CHD6: variants seen among roughly 807,000 people sequenced by gnomAD.
The protein encoded by CHD6 is chromodomain helicase DNA binding protein 6.
In CHD6, 50 loss-of-function variants were observed where a neutral mutation model predicts 276.9. The observed-to-expected ratio is 0.18, with a 90% CI of 0.14 to 0.23. CHD6 has a LOEUF of 0.23. Among genes scored for constraint, CHD6 ranks in the 10% least tolerant of loss-of-function variants. CHD6 has a pLI of 1.00. For missense variants in CHD6, 2,564 were observed against 3,365.8 expected (o/e 0.76, Z 5.89); for synonymous variants, 1,173 against 1,229.3 (o/e 0.95, Z 0.96).
intron 17 of CHD6, among the ~76,000 whole-genome samples, chr20:41,471,026 C>T (rs771846491): frequency 1.3e-5 from 2 of 152,310 alleles, no homozygotes; most frequent in Middle Eastern, 3.4e-3. Flanking sequence ...ACAAAGAAGC[C>T]GAGAACTTTG....
chr20:41,439,979 C>T (rs1419523219), intron 26 of CHD6, 21 bp downstream of exon 26: 4 of 1,612,592 alleles, frequency 2.5e-6, no homozygotes, highest in Non-Finnish European at 2.5e-6. Context: ...CACATGAGGG[C>T]TGGCCTACGT....
At chr20:41,565,680 A>G (rs907067566) in intron 1 of CHD6, among the ~76,000 whole-genome samples, 2 of 152,220 alleles carry the variant, frequency 1.3e-5, no homozygotes, top group South Asian at 2.1e-4. Flanking sequence ...CTGGATTCCA[A>G]TTCGGCTCTC....
At chr20:41,519,914 A>T (rs572731593) in intron 3 of CHD6, among the ~76,000 whole-genome samples, 4 of 152,362 alleles carry the variant, frequency 2.6e-5, no homozygotes, top group African/African-American at 7.2e-5. Flanking sequence ...AAATTCTTGC[A>T]ATCTACTCAT....
At chr20:41,571,734 T>C (rs922950723) in intron 1 of CHD6, among the ~76,000 whole-genome samples, 1 of 152,194 alleles carries the variant, frequency 6.6e-6, no homozygotes, top group African/African-American at 2.4e-5. Flanking sequence ...CTGGATTATA[T>C]TTCCTCTATT....
rs6129870 is a variant in CHD6 at position 41,575,169 on chromosome 20, T to C, written c.-23-23809A>G. ...GAGGGTATTTAAACCCCAGAAAGTT[T>C]TGTAACAGGTCCCTTGAGCCCCTAT... On this transcript the variant is annotated intron_variant, in intron 1 of 36. Coordinates refer to ENST00000373233, the MANE Select transcript of CHD6 (RefSeq NM_032221.5). Among the ~76,000 whole-genome samples, 73 of 152,320 alleles carry C rather than the reference T, an allele frequency of 4.8e-4. 1 individual carries two copies. In the East Asian group the frequency reaches 0.013, roughly 27 times the overall value.
At chr20:41,448,601 G>A (rs914054724) in intron 23 of CHD6, among the ~76,000 whole-genome samples, 9 of 152,266 alleles carry the variant, frequency 5.9e-5, no homozygotes, top group South Asian at 2.1e-4. Context: ...TTTCGCCATC[G>A]GATGACCCTT....
At position 41,404,604 on chromosome 20, in the gene CHD6, CGTT is replaced by C. The variant is rs1228976766; in HGVS notation, c.8134_8136del (p.Asn2712del). The stretch of plus-strand genomic sequence containing the variant: ...AAATGAAAAAAGTTCTAATTGGTGT[CGTT>C]GTTGGAGTCTTTGAGTGCCCCCTCC... On this transcript the variant is annotated inframe_deletion, in exon 37 of 37. Transcript: ENST00000373233. 4 of 1,479,618 alleles carry C rather than the reference CGTT, an allele frequency of 2.7e-6. No homozygotes were observed. In the African/African-American group the frequency reaches 4.2e-5, roughly 16 times the overall value. 91.7% of individuals were successfully genotyped at this position (1,479,618 alleles called of 1,614,324 possible). A position where few individuals can be genotyped will look rare whatever the true frequency, so the allele number is the denominator to read the frequency against.
chr20:41,430,329 T>TAA (rs1451643804), intron 27 of CHD6, among the ~76,000 whole-genome samples: 1 of 152,208 alleles, frequency 6.6e-6, no homozygotes, highest in Non-Finnish European at 1.5e-5. Context: ...TTCCAGAGTT[T>TAA]AACTCTAATA....
chr20:41,440,204 G>GT, intron 25 of CHD6, 75 bp from the exon 26 acceptor site: 1 of 1,352,106 alleles, frequency 7.4e-7, no homozygotes, highest in East Asian at 2.3e-5. Context: ...TAGTCTTTTT[G>GT]TTTTCCTTAT....
chr20:41,488,951 C>T (rs1000772916), intron 12 of CHD6, among the ~76,000 whole-genome samples: 10 of 152,202 alleles, frequency 6.6e-5, no homozygotes, highest in African/African-American at 2.2e-4. Context: ...TCCATCTAAA[C>T]CATGCATAGT....
intron 2 of CHD6, among the ~76,000 whole-genome samples, chr20:41,550,754 T>C (rs1390234659): frequency 1.3e-5 from 2 of 152,216 alleles, no homozygotes; most frequent in Non-Finnish European, 2.9e-5. Context: ...GTTATACTCA[T>C]GGCATAGCAG....
chr20:41,592,808 T>C (rs2045677648), intron 1 of CHD6, among the ~76,000 whole-genome samples: 2 of 152,136 alleles, frequency 1.3e-5, no homozygotes, highest in African/African-American at 4.8e-5. Context: ...TGTTTTACAT[T>C]AGGCTGGGTC....
chr20:41,416,556 GT>G (rs2145429445), intron 33 of CHD6, 31 bp downstream of exon 33: 6 of 1,580,242 alleles, frequency 3.8e-6, no homozygotes, highest in Non-Finnish European at 5.2e-6. Flanking sequence ...ACCATTCTTT[GT>G]TTTGTGGTCA....
intron 28 of CHD6, 28 bp from the exon 29 acceptor site, chr20:41,425,422 T>C (rs1015063019): frequency 1.9e-6 from 3 of 1,589,132 alleles, no homozygotes; most frequent in Non-Finnish European, 2.6e-6. Context: ...GATATTAGTA[T>C]TTACAAACAG....
intron 11 of CHD6, among the ~76,000 whole-genome samples, chr20:41,490,317 C>A (rs1313951620): frequency 6.6e-6 from 1 of 152,052 alleles, no homozygotes; most frequent in Non-Finnish European, 1.5e-5. Context: ...ATAGAGTGTA[C>A]CTACTAAACC....
In CHD6 at chr20:41,413,444, C is replaced by T. The variant is rs1251668223; in HGVS notation, c.7011G>A (p.Ser2337=). 1.9e-5 allele frequency: 31 copies of T among 1,611,344 alleles called. No homozygotes were observed. The highest frequency in any genetic ancestry group is 4.5e-5 in the East Asian group (2 of 44,852). Reference sequence around the variant, plus strand: ...TGGCTGCCGTAGCTGGCTCAGGAGCCGAGGTGGCAGGCCCTGGCCCCTCAG... The same window carrying T: ...TGGCTGCCGTAGCTGGCTCAGGAGCTGAGGTGGCAGGCCCTGGCCCCTCAG... The part of the protein sequence containing the change: ...THPEGPGPAT[S]APEPATAASS... Residue 2337 remains serine, a synonymous_variant, in exon 35 of 37, where the codon TCG becomes TCA. Coordinates refer to ENST00000373233, the MANE Select transcript of CHD6 (RefSeq NM_032221.5).
chr20:41,426,107 T>C lies in CHD6; in HGVS notation c.4115A>G (p.Asp1372Gly). The C allele has an allele frequency of 6.2e-7, 1 of 1,612,656 alleles. No homozygotes were observed. The highest frequency in any genetic ancestry group is 8.5e-7 in the Non-Finnish European group (1 of 1,178,622). ...CATAGTCTCACCTGCCCGGCTGTCA[T>C]CCTTCTTTTCGCTAAAAACGCCATC... The part of the protein sequence containing the change: ...GGDGVFSEKK[D>G]DSRAAQDGSD... Residue 1372 changes from aspartate to glycine, a missense_variant, in exon 28 of 37, where the codon GAT becomes GGT. Asp to Gly is a moderately conservative substitution (Grantham distance 94). This residue lies in a region of CHD6 where 515 missense variants were observed against 739.5 expected (regional missense o/e 0.70). Transcript: ENST00000373233.
At chr20:41,562,494 A>AT (rs371771565) in intron 1 of CHD6, among the ~76,000 whole-genome samples, 33,087 of 148,266 alleles carry the variant, frequency 0.22, 4,911 homozygotes, top group African/African-American at 0.42. Context: ...TGAGGGTTTG[A>AT]TTTTTTTTTT....
rs145579661 is a variant in CHD6, at chr20:41,470,582, A to G, written c.2664+2740T>C. 5.6e-3 allele frequency among the ~76,000 whole-genome samples: 854 copies of G among 152,342 alleles called. 8 individuals carry two copies. Among genetic ancestry groups the G allele is most frequent in the Middle Eastern group, 0.024 (7 of 294 alleles). On this transcript the variant is annotated intron_variant, in intron 17 of 36. Coordinates refer to ENST00000373233, the MANE Select transcript of CHD6 (RefSeq NM_032221.5). Reference sequence around the variant, plus strand: ...ACTATCCAATTTCAGTTTGGACTTCACTGCTATTCCTTAATTCATCTCTTG... The same window carrying G: ...ACTATCCAATTTCAGTTTGGACTTCGCTGCTATTCCTTAATTCATCTCTTG...
Sources: allele counts gnomAD v4.1 joint callset (sites outside exome capture counted in the v4.1 genomes callset), GRCh38; gene constraint gnomAD v4.1.1; regional missense constraint gnomAD v4.1.1; transcripts MANE v1.5; gene names NCBI Gene and HGNC (gene_info 2026-07-23, HGNC 2026-07-21).